EPB41L4A: variants seen among roughly 807,000 people sequenced by gnomAD.
The protein encoded by EPB41L4A is band 4.1-like protein 4A.
A neutral mutation model predicts 108.6 loss-of-function variants in EPB41L4A; 100 were observed. The ratio of observed to expected loss-of-function variants is 0.92; its 90% CI spans 0.78 to 1.09. EPB41L4A has a LOEUF of 1.09. EPB41L4A is among the 50% of genes least tolerant of loss of function. EPB41L4A has a pLI of 0.00. For missense variants in EPB41L4A, 1,030 were observed against 842.7 expected, an observed-to-expected ratio of 1.22 and a Z score of -2.75; for synonymous variants, 319 against 289.0, an observed-to-expected ratio of 1.10 and a Z score of -1.05.
intron 1 of EPB41L4A, among the ~76,000 whole-genome samples, chr5:112,354,418 T>C (rs944496582): frequency 1.3e-5 from 2 of 152,118 alleles, no homozygotes; most frequent in African/African-American, 4.8e-5. Context: ...CTGGAACAGA[T>C]AGTGATAAGA....
At chr5:112,331,635 A>G (rs1278951661) in intron 1 of EPB41L4A, among the ~76,000 whole-genome samples, 3 of 152,176 alleles carry the variant, frequency 2.0e-5, no homozygotes, top group Non-Finnish European at 2.9e-5. Flanking sequence ...TCTGGGTACT[A>G]TTGCTGCACC....
chr5:112,215,054 G>T (rs1747517071), intron 12 of EPB41L4A, among the ~76,000 whole-genome samples: 1 of 152,118 alleles, frequency 6.6e-6, no homozygotes, highest in African/African-American at 2.4e-5. Context: ...CCCATGGTAG[G>T]TACTCAATGA....
chr5:112,263,074 C>T (rs866758530), intron 6 of EPB41L4A, among the ~76,000 whole-genome samples: 1 of 152,154 alleles, frequency 6.6e-6, no homozygotes, highest in Non-Finnish European at 1.5e-5. Context: ...CATTGATTAA[C>T]GTACAGAGAT....
At chr5:112,324,214 G>A (rs796354136) in intron 1 of EPB41L4A, among the ~76,000 whole-genome samples, 3 of 152,186 alleles carry the variant, frequency 2.0e-5, no homozygotes, top group African/African-American at 7.2e-5. Context: ...AGATGAGAAC[G>A]AAAAATTCTA....
At chr5:112,205,758 T>A (rs916527217) in intron 13 of EPB41L4A, among the ~76,000 whole-genome samples, 1 of 152,168 alleles carries the variant, frequency 6.6e-6, no homozygotes, top group Non-Finnish European at 1.5e-5. Flanking sequence ...GGTCCATCAA[T>A]TGTTAAGAAA....
At chr5:112,339,913 T>C (rs756554628) in intron 1 of EPB41L4A, among the ~76,000 whole-genome samples, 5 of 152,096 alleles carry the variant, frequency 3.3e-5, no homozygotes, top group Non-Finnish European at 4.4e-5. Context: ...TTTTAATTAT[T>C]AATAAATATC....
Position 112,295,852 on chromosome 5 carries a change from T to C in EPB41L4A, c.204+11534A>G, listed in dbSNP as rs572822364. Among the ~76,000 whole-genome samples the C allele has an allele frequency of 4.3e-4, 66 of 152,338 alleles. 1 individual carries two copies. The highest frequency in any genetic ancestry group is 1.6e-3 in the African/African-American group (65 of 41,570). On this transcript the variant is annotated intron_variant, in intron 2 of 22. Transcript: ENST00000261486. The stretch of plus-strand genomic sequence containing the variant: ...TTGTTTAATGATCTTGCAATTTCCA[T>C]ACTCTAGCTACTGTCAGTTCCTTAA...
chr5:112,237,555 G>A (rs1749439161), intron 11 of EPB41L4A, among the ~76,000 whole-genome samples: 1 of 152,034 alleles, frequency 6.6e-6, no homozygotes, highest in African/African-American at 2.4e-5. Flanking sequence ...ATACACTGCA[G>A]CCACCTGTTA....
At chr5:112,410,483 G>C (rs548726959) in intron 1 of EPB41L4A, among the ~76,000 whole-genome samples, 1 of 152,130 alleles carries the variant, frequency 6.6e-6, no homozygotes, top group African/African-American at 2.4e-5. Flanking sequence ...AATGAAAACA[G>C]GGGAAAAGAA....
chr5:112,337,751 T>G (rs567729084), intron 1 of EPB41L4A, among the ~76,000 whole-genome samples: 2 of 152,136 alleles, frequency 1.3e-5, no homozygotes, highest in South Asian at 4.1e-4. Flanking sequence ...ACCCATATTG[T>G]AAAAAAAGTA....
At chr5:112,356,632 T>C (rs1276301045) in intron 1 of EPB41L4A, among the ~76,000 whole-genome samples, 1 of 152,210 alleles carries the variant, frequency 6.6e-6, no homozygotes, top group African/African-American at 2.4e-5. Context: ...AACTCTCCCC[T>C]CTGCCATAAT....
intron 15 of EPB41L4A, among the ~76,000 whole-genome samples, chr5:112,197,736 C>A (rs1392181406): frequency 6.6e-6 from 1 of 152,154 alleles, no homozygotes; most frequent in Non-Finnish European, 1.5e-5. Flanking sequence ...TTGACTAACT[C>A]CCCTTTACCA....
intron 2 of EPB41L4A, among the ~76,000 whole-genome samples, chr5:112,288,802 G>C (rs1033862944): frequency 1.3e-5 from 2 of 151,762 alleles, no homozygotes; most frequent in African/African-American, 4.8e-5. Context: ...GAAAATGTTC[G>C]AAGAGTCTGA....
intron 1 of EPB41L4A, among the ~76,000 whole-genome samples, chr5:112,337,383 A>G (rs898716982): frequency 2.0e-5 from 3 of 152,176 alleles, no homozygotes; most frequent in Non-Finnish European, 2.9e-5. Flanking sequence ...CCATATATCA[A>G]CCACCGTGTT....
chr5:112,254,898 A>AT (rs1491058077), intron 9 of EPB41L4A, among the ~76,000 whole-genome samples: 1 of 151,828 alleles, frequency 6.6e-6, no homozygotes, highest in Non-Finnish European at 1.5e-5. Context: ...CTGTTCTCTC[A>AT]TATGTCCTTC....
At chr5:112,295,596 G>C (rs897224392) in intron 2 of EPB41L4A, among the ~76,000 whole-genome samples, 1 of 152,164 alleles carries the variant, frequency 6.6e-6, no homozygotes, top group Non-Finnish European at 1.5e-5. Context: ...CCAAGGGCAC[G>C]AATAATCACA....
intron 2 of EPB41L4A, among the ~76,000 whole-genome samples, chr5:112,296,212 T>C (rs904028785): frequency 6.6e-6 from 1 of 152,120 alleles, no homozygotes; most frequent in Non-Finnish European, 1.5e-5. Context: ...GGCAAACTTA[T>C]GTTAAAATTA....
intron 1 of EPB41L4A, among the ~76,000 whole-genome samples, chr5:112,394,561 C>A (rs553242154): frequency 2.2e-3 from 328 of 152,248 alleles, no homozygotes; most frequent in African/African-American, 7.6e-3. Flanking sequence ...TCAAGGAGAA[C>A]TACAAACCAC....
intron 1 of EPB41L4A, among the ~76,000 whole-genome samples, chr5:112,314,789 T>C (rs1755323832): frequency 7.2e-6 from 1 of 139,090 alleles, no homozygotes; most frequent in African/African-American, 3.1e-5. Flanking sequence ...CAAGACTCCA[T>C]CTCAAAAAAA....
Sources: gnomAD v4.1 joint callset for allele counts (sites outside exome capture counted in the v4.1 genomes callset) on GRCh38, gnomAD v4.1.1 for gene constraint, MANE v1.5 for transcripts, NCBI Gene and HGNC (gene_info 2026-07-23, HGNC 2026-07-21) for gene names.